IL1RAPL1: variants seen among roughly 807,000 people sequenced by gnomAD.
The protein encoded by IL1RAPL1 is interleukin-1 receptor accessory protein-like 1.
IL1RAPL1 carries 3 observed loss-of-function variants against 48.4 expected under a neutral mutation model. That is an observed-to-expected ratio of 0.06 (90% CI 0.03 to 0.16). The LOEUF is 0.16. Among genes scored for constraint, IL1RAPL1 ranks in the 10% least tolerant of loss-of-function variants. The pLI is 1.00. For missense variants in IL1RAPL1, 349 were observed against 530.6 expected (o/e 0.66, Z 3.36); for synonymous variants, 185 against 187.7 (o/e 0.99, Z 0.12).
rs181263346 is a variant in IL1RAPL1, at chrX:28,848,868, T to C, written c.82+59443T>C. On this transcript the variant is annotated intron_variant, in intron 2 of 10. Transcript: ENST00000378993. ...CTGCTATTAAAATAGTCACATTTCCTCAAATATTGGACTTTCAGATGCAAA... is the reference window on the plus strand; with the variant it reads ...CTGCTATTAAAATAGTCACATTTCCCCAAATATTGGACTTTCAGATGCAAA... Among the ~76,000 whole-genome samples, 41 of 111,932 alleles carry C rather than the reference T, an allele frequency of 3.7e-4. No individual in the cohort carries two copies. The East Asian group carries it at 0.01, about 28-fold the overall frequency.
At chrX:29,430,379 G>A (rs561415177) in intron 5 of IL1RAPL1, among the ~76,000 whole-genome samples, 6 of 111,039 alleles carry the variant, frequency 5.4e-5, no homozygotes, top group African/African-American at 2.0e-4. Flanking sequence ...AAATGGACAG[G>A]CCTCTTCTCC....
chrX:29,071,373 A>C (rs1020725473), intron 2 of IL1RAPL1, among the ~76,000 whole-genome samples: 5 of 112,278 alleles, frequency 4.5e-5, no homozygotes, highest in African/African-American at 1.6e-4. Context: ...CAAACAAAAC[A>C]GCAAAAAGAC....
chrX:28,929,386 C>T (rs962402351), intron 2 of IL1RAPL1, among the ~76,000 whole-genome samples: 3 of 111,666 alleles, frequency 2.7e-5, no homozygotes, highest in Non-Finnish European at 5.6e-5. Flanking sequence ...TGTATTAGTA[C>T]CAGGTTGTGG....
At chrX:29,309,877 C>T (rs751302722) in intron 3 of IL1RAPL1, among the ~76,000 whole-genome samples, 43 of 106,101 alleles carry the variant, frequency 4.1e-4, no homozygotes, top group African/African-American at 1.4e-3. Context: ...GGGTGGATCA[C>T]GAGGTCAGGA....
chrX:28,912,348 G>C (rs1454140498), intron 2 of IL1RAPL1, among the ~76,000 whole-genome samples: 5 of 110,698 alleles, frequency 4.5e-5, no homozygotes, highest in Admixed American at 3.9e-4. Flanking sequence ...CGTTATGGAA[G>C]GTAAGGCTCT....
chrX:29,011,299 C>T (rs979260567), intron 2 of IL1RAPL1, among the ~76,000 whole-genome samples: 2 of 112,090 alleles, frequency 1.8e-5, no homozygotes, highest in Admixed American at 1.9e-4. Flanking sequence ...GAAACGAAAG[C>T]ATATGTCTAT....
At chrX:28,941,329 A>G (rs183246490) in intron 2 of IL1RAPL1, among the ~76,000 whole-genome samples, 2 of 111,419 alleles carry the variant, frequency 1.8e-5, no homozygotes, top group Non-Finnish European at 3.8e-5. Context: ...CTCTCTTGTT[A>G]CAAGCTCTCT....
intron 5 of IL1RAPL1, among the ~76,000 whole-genome samples, chrX:29,414,091 A>G (rs1165245155): frequency 5.4e-5 from 6 of 111,178 alleles, no homozygotes; most frequent in African/African-American, 2.0e-4. Context: ...TTAACATTCC[A>G]AAGACCCATT....
intron 2 of IL1RAPL1, among the ~76,000 whole-genome samples, chrX:29,106,960 G>C (rs1276736290): frequency 9.0e-6 from 1 of 111,400 alleles, no homozygotes; most frequent in Non-Finnish European, 1.9e-5. Context: ...CCATAAAATA[G>C]GTGTAACTCA....
At chrX:28,660,595 AAC>A (rs1428039299) in intron 1 of IL1RAPL1, among the ~76,000 whole-genome samples, 3 of 112,024 alleles carry the variant, frequency 2.7e-5, no homozygotes, top group Non-Finnish European at 3.8e-5. Context: ...TACATTCAAT[AAC>A]ACATTTAGAA....
rs1569282290 is a variant in IL1RAPL1 at position 29,310,126 on chromosome X, AAAAGAAAGG to A, written c.362+26913_362+26921del. On this transcript the variant is annotated intron_variant, in intron 3 of 10. Coordinates refer to ENST00000378993, the MANE Select transcript of IL1RAPL1 (RefSeq NM_014271.4). ...AAAAAAAAAAAAAAAAAAAAAAAAA[AAAAGAAAGG>A]AAAAAAAAAAAAACAAAAAAAGGGT... Among the ~76,000 whole-genome samples the A allele has an allele frequency of 8.3e-5, 7 of 83,873 alleles. 1 individual carries two copies. The highest frequency in any genetic ancestry group is 3.1e-4 in the African/African-American group (6 of 19,587). The allele number at this position is 83,873 out of a possible 115,157, so 72.8% of individuals were successfully genotyped here. A position where few individuals can be genotyped will look rare whatever the true frequency, so the allele number is the denominator to read the frequency against.
chrX:28,745,450 G>A (rs12008039), intron 1 of IL1RAPL1, among the ~76,000 whole-genome samples: 54,959 of 110,619 alleles, frequency 0.5, 10,063 homozygotes, highest in Middle Eastern at 0.73. Flanking sequence ...GAAATAGGTA[G>A]GGCAGAGCAA....
At chrX:29,907,849 A>G (rs758233332) in intron 6 of IL1RAPL1, among the ~76,000 whole-genome samples, 1 of 79,135 alleles carries the variant, frequency 1.3e-5, no homozygotes, top group African/African-American at 8.5e-5. Flanking sequence ...GGATTTGTTT[A>G]ATTGTTTATT....
At chrX:29,711,067 T>TGTACACACACAC (rs1555913966) in intron 6 of IL1RAPL1, among the ~76,000 whole-genome samples, 2 of 8,905 alleles carry the variant, frequency 2.2e-4, no homozygotes, top group East Asian at 9.9e-3. Context: ...TGTGTGTGTG[T>TGTACACACACAC]ATACACACAC....
At chrX:29,400,119 A>G (rs1933975362) in intron 5 of IL1RAPL1, among the ~76,000 whole-genome samples, 1 of 112,004 alleles carries the variant, frequency 8.9e-6, no homozygotes, top group East Asian at 2.8e-4. Context: ...GATGTGATGC[A>G]TAGAGTCATT....
At chrX:28,920,331 G>C (rs986602861) in intron 2 of IL1RAPL1, among the ~76,000 whole-genome samples, 6 of 111,612 alleles carry the variant, frequency 5.4e-5, no homozygotes, top group Admixed American at 2.9e-4. Flanking sequence ...TTGCTGCTCT[G>C]AATCTTCCTC....
intron 8 of IL1RAPL1, among the ~76,000 whole-genome samples, chrX:29,940,416 T>C (rs1298519226): frequency 8.9e-6 from 1 of 111,991 alleles, no homozygotes; most frequent in Non-Finnish European, 1.9e-5. Flanking sequence ...GACTGTGTTA[T>C]GAAATTAGAT....
chrX:29,257,540 G>A (rs1412776060), intron 2 of IL1RAPL1, among the ~76,000 whole-genome samples: 2 of 111,914 alleles, frequency 1.8e-5, no homozygotes, highest in East Asian at 5.6e-4. Flanking sequence ...AACTGAAAGA[G>A]ATAAATCCCT....
intron 1 of IL1RAPL1, among the ~76,000 whole-genome samples, chrX:28,637,282 A>G (rs1330389160): frequency 9.0e-6 from 1 of 111,677 alleles, no homozygotes; most frequent in Non-Finnish European, 1.9e-5. Flanking sequence ...AATTTTAAAT[A>G]AATGGGCAGA....
Sources: allele counts gnomAD v4.1 joint callset (sites outside exome capture counted in the v4.1 genomes callset), GRCh38; gene constraint gnomAD v4.1.1; transcripts MANE v1.5; gene names NCBI Gene and HGNC (gene_info 2026-07-23, HGNC 2026-07-21).